The following LYSMD3 variants were observed in gnomAD, a reference collection of about 807,000 sequenced individuals.
LYSMD3 encodes LysM domain containing 3, also known as lysM and putative peptidoglycan-binding domain-containing protein 3.
Under a neutral mutation model 26.1 loss-of-function variants are expected in LYSMD3, and 13 were observed. The ratio of observed to expected loss-of-function variants is 0.50; its 90% CI spans 0.32 to 0.79. The LOEUF (loss-of-function observed/expected upper bound fraction) is 0.79. LYSMD3 is among the 30% of genes least tolerant of loss of function. The pLI is 0.03. For synonymous variants in LYSMD3, 109 were observed against 119.4 expected (o/e 0.91, Z 0.57); for missense variants, 331 against 362.5 (o/e 0.91, Z 0.71).
chr5:90,529,349 A>C, intron 1 of LYSMD3, 99 bp downstream of exon 1: 1 of 453,746 alleles, frequency 2.2e-6, no homozygotes, highest in Non-Finnish European at 4.4e-6. Context: ...CCCCCACCAC[A>C]CCTGTGGCCG....
At chr5:90,525,656 G>T (rs1246548592) in intron 1 of LYSMD3, among the ~76,000 whole-genome samples, 1 of 152,072 alleles carries the variant, frequency 6.6e-6, no homozygotes, top group Non-Finnish European at 1.5e-5. Context: ...CACCATGTTG[G>T]CCAGGCTGGT....
chr5:90,524,979 A>AGT, intron 2 of LYSMD3, 56 bp downstream of exon 2: 1 of 1,321,470 alleles, frequency 7.6e-7, no homozygotes, highest in Non-Finnish European at 1.0e-6. Flanking sequence ...AATTTATTTC[A>AGT]GTGTGCGTAA....
At chr5:90,523,223 G>C (rs1753135448) in intron 2 of LYSMD3, among the ~76,000 whole-genome samples, 1 of 151,802 alleles carries the variant, frequency 6.6e-6, no homozygotes, top group Admixed American at 6.6e-5. Flanking sequence ...ACATGAGCAA[G>C]GTAGGAGGAA....
At chr5:90,529,376 G>C (rs1216644065) in intron 1 of LYSMD3, 72 bp downstream of exon 1, 1 of 456,146 alleles carries the variant, frequency 2.2e-6, no homozygotes, top group Non-Finnish European at 4.4e-6. Flanking sequence ...AGCGCCTCCC[G>C]TGAGGACGCA....
At chr5:90,525,426 T>G in intron 1 of LYSMD3, 126 bp from the exon 2 acceptor site, 1 of 1,009,500 alleles carries the variant, frequency 9.9e-7, no homozygotes, top group Non-Finnish European at 1.4e-6. Context: ...ATTTAAACAT[T>G]TAGGTTTAAG....
At chr5:90,527,703 A>G (rs1027627656) in intron 1 of LYSMD3, among the ~76,000 whole-genome samples, 2 of 149,768 alleles carry the variant, frequency 1.3e-5, no homozygotes, top group Non-Finnish European at 2.9e-5. Context: ...CTTATTATGT[A>G]TATGCAAACA....
rs202089500 is a variant in LYSMD3 at position 90,518,893 on chromosome 5, G to A, written c.847C>T (p.His283Tyr). Reference sequence around the variant, plus strand: ...TTATGATCATCTTGTTGGCTGAAATGTATTCCTTTAGTTGGCACAATTCCA... The same window carrying A: ...TTATGATCATCTTGTTGGCTGAAATATATTCCTTTAGTTGGCACAATTCCA... ...ENGIVPTKGI[H>Y]FSQQDDHKLY... Residue 283 changes from histidine to tyrosine, a missense_variant, in exon 3 of 3, where the codon CAT becomes TAT. Coordinates refer to ENST00000315948, the MANE Select transcript of LYSMD3 (RefSeq NM_198273.2). 3 of 1,614,020 alleles carry A rather than the reference G, an allele frequency of 1.9e-6. 1 individual carries two copies. The Admixed American group carries it at 5.0e-5, about 27-fold the overall frequency.
At chr5:90,524,656 G>T (rs565859622) in intron 2 of LYSMD3, among the ~76,000 whole-genome samples, 1 of 152,264 alleles carries the variant, frequency 6.6e-6, no homozygotes, top group South Asian at 2.1e-4. Flanking sequence ...GCAGTGGCGC[G>T]ATCTCGGCTC....
At position 90,516,230 on chromosome 5, in the gene LYSMD3, T is replaced by C. The variant is rs1752943501; in HGVS notation, c.*2589A>G. 1 of 152,136 alleles carries C rather than the reference T, an allele frequency of 6.6e-6. No homozygotes were observed. The highest frequency in any genetic ancestry group is 1.5e-5 in the Non-Finnish European group (1 of 67,972). 9.4% of individuals were successfully genotyped at this position (152,136 alleles called of 1,614,324 possible). ...GCAGAGTGTGTAACCATTTTTAACA[T>C]ATCTTTTGAAAATATGAACTCCATA... On this transcript the variant is annotated 3_prime_UTR_variant, in exon 3 of 3. Coordinates refer to ENST00000315948, the MANE Select transcript of LYSMD3 (RefSeq NM_198273.2).
intron 1 of LYSMD3, among the ~76,000 whole-genome samples, chr5:90,528,977 G>C (rs1753291752): frequency 6.6e-6 from 1 of 152,158 alleles, no homozygotes; most frequent in African/African-American, 2.4e-5. Flanking sequence ...CACCCTATCC[G>C]CTGCCAGGGA....
rs772159608 is a variant in LYSMD3 at position 90,518,810 on chromosome 5, A to C, written c.*9T>G. The C allele has an allele frequency of 6.2e-7, 1 of 1,603,894 alleles. No homozygotes were observed. Among genetic ancestry groups the C allele is most frequent in the South Asian group, 1.1e-5 (1 of 89,426 alleles). ...ATGTGACCACTAACATTTGATTATG[A>C]GCTAATTGCTATGTTTCCTGTTGAG... On this transcript the variant is annotated 3_prime_UTR_variant, in exon 3 of 3. Coordinates refer to ENST00000315948, the MANE Select transcript of LYSMD3 (RefSeq NM_198273.2).
chr5:90,524,985 C>A (rs7722900), intron 2 of LYSMD3, 50 bp downstream of exon 2: 1 of 1,409,268 alleles, frequency 7.1e-7, no homozygotes, highest in Non-Finnish European at 9.6e-7. Context: ...TTTCAGTGTG[C>A]GTAAACAAAT....
rs76006111 is a variant in LYSMD3, at chr5:90,523,216, T to C, written c.255+1819A>G. ...TGGCAAGAATTGATGTTTTCATACA[T>C]GAGCAAGGTAGGAGGAAAAAACTAC... On this transcript the variant is annotated intron_variant, in intron 2 of 2. Transcript: ENST00000315948. Among the ~76,000 whole-genome samples the C allele has an allele frequency of 2.1e-3, 317 of 152,198 alleles. 4 individuals are homozygous for C. The highest frequency in any genetic ancestry group is 0.017 in the East Asian group (88 of 5,190).
At chr5:90,525,406 G>A (rs1473860493) in intron 1 of LYSMD3, 106 bp from the exon 2 acceptor site, 1 of 1,153,370 alleles carries the variant, frequency 8.7e-7, no homozygotes, top group Non-Finnish European at 1.2e-6. Context: ...TTGTTTTAAT[G>A]GTTTTAGTTA....
rs368554950 is a variant in LYSMD3, at chr5:90,523,231, G to GA, written c.255+1803dup. ...TTTTCATACATGAGCAAGGTAGGAG[G>GA]AAAAAACTACCCAGCTCTTACACCA... On this transcript the variant is annotated intron_variant, in intron 2 of 2. Transcript: ENST00000315948. Among the ~76,000 whole-genome samples, 441 of 151,960 alleles carry GA rather than the reference G, an allele frequency of 2.9e-3. 3 individuals are homozygous for GA. Among genetic ancestry groups the GA allele is most frequent in the African/African-American group, 0.01 (421 of 41,474 alleles).
chr5:90,517,889 AT>A lies in LYSMD3; in HGVS notation c.*929del. 1 of 152,600 alleles carries A rather than the reference AT, an allele frequency of 6.6e-6. No individual in the cohort carries two copies. Among genetic ancestry groups the A allele is most frequent in the East Asian group, 1.9e-4 (1 of 5,182 alleles). 9.5% of individuals were successfully genotyped at this position (152,600 alleles called of 1,614,324 possible). ...GATTGGACCATATGAAATAATGCTT[AT>A]TTTTAATTCTGAAACTTGGATTTAC... On this transcript the variant is annotated 3_prime_UTR_variant, in exon 3 of 3. Transcript: ENST00000315948.
In LYSMD3 at chr5:90,519,215, T is replaced by A. The variant is rs774922942; in HGVS notation, c.525A>T (p.Thr175=). 1 of 1,613,916 alleles carries A rather than the reference T, an allele frequency of 6.2e-7. No individual in the cohort carries two copies. The highest frequency in any genetic ancestry group is 1.3e-5 in the African/African-American group (1 of 74,930). The change falls in exon 3 of 3, where the codon ACA becomes ACT. Residue 175 remains threonine (T), a synonymous_variant. Transcript: ENST00000315948. The stretch of plus-strand genomic sequence containing the variant: ...CATTGAGGTTCTCTCTCTTATTGTC[T>A]GTACACTTTACTATTTGTTCTATGT... The part of the protein sequence containing the change: ...DRDIEQIVKC[T]DNKRENLNEV...
At chr5:90,523,651 C>T (rs192686504) in intron 2 of LYSMD3, among the ~76,000 whole-genome samples, 2 of 152,064 alleles carry the variant, frequency 1.3e-5, no homozygotes, top group Admixed American at 1.3e-4. Context: ...GGTAGCAAAT[C>T]CTGGTGGTAC....
At chr5:90,527,923 A>G (rs1007449502) in intron 1 of LYSMD3, among the ~76,000 whole-genome samples, 1 of 152,246 alleles carries the variant, frequency 6.6e-6, no homozygotes, top group Non-Finnish European at 1.5e-5. Flanking sequence ...TATTCAGATA[A>G]CACAGATAAC....
Sources: allele counts gnomAD v4.1 joint callset (sites outside exome capture counted in the v4.1 genomes callset), GRCh38; gene constraint gnomAD v4.1.1; transcripts MANE v1.5; gene names NCBI Gene and HGNC (gene_info 2026-07-23, HGNC 2026-07-21).